Variants in FSHR observed in about 807,000 individuals in gnomAD.
The protein encoded by FSHR is follicle stimulating hormone receptor.
In FSHR, 46 loss-of-function variants were observed where a neutral mutation model predicts 52.1. The observed-to-expected ratio is 0.88, with a 90% CI of 0.70 to 1.13. FSHR has a LOEUF of 1.13. Among genes scored for constraint, FSHR ranks in the 50% most tolerant of loss-of-function variants. The pLI, the probability that FSHR is intolerant of heterozygous loss-of-function variation, is 0.00. For synonymous variants in FSHR, 399 were observed against 309.6 expected, an observed-to-expected ratio of 1.29 and a Z score of -3.03; for missense variants, 964 against 834.6, an observed-to-expected ratio of 1.16 and a Z score of -1.91.
chr2:49,087,074 T>TTTTTG (rs1418429751), intron 1 of FSHR, among the ~76,000 whole-genome samples: 2,116 of 136,534 alleles, frequency 0.015, 80 homozygotes, highest in African/African-American at 0.061. Flanking sequence ...GGCAGGGTTT[T>TTTTTG]TTTTTTTTTT....
At chr2:49,098,528 T>C (rs1053681071) in intron 1 of FSHR, among the ~76,000 whole-genome samples, 3 of 151,638 alleles carry the variant, frequency 2.0e-5, no homozygotes, top group African/African-American at 7.3e-5. Flanking sequence ...CTGTGGGAGG[T>C]GGCAGCCACT....
chr2:49,125,729 G>A (rs1671973413), intron 1 of FSHR, among the ~76,000 whole-genome samples: 2 of 152,168 alleles, frequency 1.3e-5, no homozygotes, highest in South Asian at 2.1e-4. Flanking sequence ...TTGCAGGACT[G>A]TTGTTGTTTG....
At chr2:48,967,933 G>A (rs536991038) in intron 9 of FSHR, among the ~76,000 whole-genome samples, 1 of 152,342 alleles carries the variant, frequency 6.6e-6, no homozygotes, top group South Asian at 2.1e-4. Context: ...ATGTAGGTGA[G>A]CTCAGAGGAG....
chr2:49,036,492 C>T (rs1340422788), intron 2 of FSHR, among the ~76,000 whole-genome samples: 1 of 139,288 alleles, frequency 7.2e-6, no homozygotes, highest in East Asian at 2.2e-4. Context: ...TCTATATTTG[C>T]ATCTGTATAT....
chr2:48,965,343 T>C (rs955155286), intron 9 of FSHR, among the ~76,000 whole-genome samples: 2 of 152,198 alleles, frequency 1.3e-5, no homozygotes, highest in African/African-American at 4.8e-5. Context: ...CAGGAAGTCA[T>C]TTTCTCTTGG....
chr2:49,056,486 A>ATATC (rs1411451473), intron 2 of FSHR, among the ~76,000 whole-genome samples: 1 of 118,976 alleles, frequency 8.4e-6, no homozygotes, highest in Non-Finnish European at 1.8e-5. Context: ...ATATATATAT[A>ATATC]TCCAACACCA....
At chr2:49,129,667 C>G (rs1672195384) in intron 1 of FSHR, among the ~76,000 whole-genome samples, 1 of 152,150 alleles carries the variant, frequency 6.6e-6, no homozygotes, top group Admixed American at 6.5e-5. Context: ...AAGATACTAA[C>G]TGAACATTTT....
chr2:49,089,915 A>T lies in FSHR; in HGVS notation c.153-21625T>A, dbSNP rs149093274. On this transcript the variant is annotated intron_variant, in intron 1 of 9. Transcript: ENST00000406846. ...CGAACTGTGTGTGCAAAGCGTGTAC[A>T]TTCTAGCTAGCAGGGACGCTGACCA... Among the ~76,000 whole-genome samples the T allele has an allele frequency of 1.3e-3, 193 of 152,260 alleles. 2 individuals carry two copies. In the Middle Eastern group the frequency reaches 0.034, roughly 27 times the overall value.
intron 8 of FSHR, among the ~76,000 whole-genome samples, chr2:48,981,270 CCTCT>C (rs1396720152): frequency 3.3e-5 from 5 of 152,174 alleles, no homozygotes; most frequent in Non-Finnish European, 5.9e-5. Flanking sequence ...TTGCCTGACT[CCTCT>C]CTATTCCCAC....
At chr2:49,063,087 T>G (rs528223978) in intron 2 of FSHR, among the ~76,000 whole-genome samples, 1 of 152,232 alleles carries the variant, frequency 6.6e-6, no homozygotes, top group East Asian at 1.9e-4. Context: ...CTAATGGGTA[T>G]GTATTCAAAT....
intron 1 of FSHR, among the ~76,000 whole-genome samples, chr2:49,142,284 AG>A (rs1672715957): frequency 6.6e-6 from 1 of 152,212 alleles, no homozygotes; most frequent in Non-Finnish European, 1.5e-5. Flanking sequence ...GTGGTCAAAA[AG>A]ACCCTTCTAA....
chr2:48,970,184 T>C (rs2104013134), intron 8 of FSHR, among the ~76,000 whole-genome samples: 1 of 152,316 alleles, frequency 6.6e-6, no homozygotes, highest in East Asian at 1.9e-4. Flanking sequence ...ATTGTATAAT[T>C]ATCTTGCTCA....
At position 48,968,845 on chromosome 2, in the gene FSHR, T is replaced by C. The variant is rs748152489; in HGVS notation, c.707A>G (p.Tyr236Cys). Reference protein sequence around the residue: ...SRTRIHSLPSYGLENLKKLRA... With the variant: ...SRTRIHSLPSCGLENLKKLRA... ...CAGCTTCTTAAGATTTTCTAAGCCA[T>C]AGCTAGGCAGGGAATGGATCCTTGT... The change falls in exon 9 of 10, where the codon TAT becomes TGT. Residue 236 changes from tyrosine to cysteine, a missense_variant. Transcript: ENST00000406846. 1.0e-4 allele frequency: 164 copies of C among 1,613,896 alleles called. No individual in the cohort carries two copies. Among genetic ancestry groups the C allele is most frequent in the Non-Finnish European group, 1.3e-4 (153 of 1,179,984 alleles).
intron 2 of FSHR, among the ~76,000 whole-genome samples, chr2:49,034,981 C>G (rs541600612): frequency 5.3e-5 from 8 of 152,312 alleles, no homozygotes; most frequent in Admixed American, 3.9e-4. Context: ...TCTTTTGTGG[C>G]AACAAGCCCT....
intron 2 of FSHR, among the ~76,000 whole-genome samples, chr2:49,066,257 T>G (rs183603934): frequency 6.6e-6 from 1 of 152,074 alleles, no homozygotes; most frequent in South Asian, 2.1e-4. Context: ...TGGTCACATG[T>G]GCAGAATGAA....
At chr2:49,003,779 A>G (rs556942843) in intron 4 of FSHR, among the ~76,000 whole-genome samples, 70 of 81,946 alleles carry the variant, frequency 8.5e-4, no homozygotes, top group African/African-American at 3.1e-3. Context: ...CTGGTCCCCC[A>G]CCCCCACCCC....
chr2:48,982,919 C>G lies in FSHR; in HGVS notation c.661G>C (p.Val221Leu). 6.2e-7 allele frequency: 1 copy of G among 1,613,230 alleles called. No homozygotes were observed. Among genetic ancestry groups the G allele is most frequent in the Non-Finnish European group, 8.5e-7 (1 of 1,179,162 alleles). Reference protein sequence around the residue: ...NDVFHGASGPVILDISRTRIH... With the variant: ...NDVFHGASGPLILDISRTRIH... Reference sequence around the variant, plus strand: ...ATGGGGAAAGCTACTCACAGAATGACTGGTCCAGAGGCTCCGTGGAAAACA... The same window carrying G: ...ATGGGGAAAGCTACTCACAGAATGAGTGGTCCAGAGGCTCCGTGGAAAACA... The change falls in exon 8 of 10, where the codon GTC becomes CTC. Residue 221 changes from valine (V) to leucine (L), a missense_variant. Physicochemically the swap from Val to Leu is conservative, Grantham distance 32. Transcript: ENST00000406846.
intron 1 of FSHR, among the ~76,000 whole-genome samples, chr2:49,069,445 C>T (rs527836983): frequency 6.6e-6 from 1 of 152,230 alleles, no homozygotes; most frequent in Non-Finnish European, 1.5e-5. Flanking sequence ...GGCCCAGACC[C>T]TCTTTCCTGC....
intron 1 of FSHR, among the ~76,000 whole-genome samples, chr2:49,130,382 G>C (rs1036817002): frequency 6.6e-6 from 1 of 152,120 alleles, no homozygotes; most frequent in Admixed American, 6.5e-5. Flanking sequence ...TAGCCAGGAA[G>C]GCCTGGACTC....
Sources: allele counts gnomAD v4.1 joint callset (sites outside exome capture counted in the v4.1 genomes callset), GRCh38; gene constraint gnomAD v4.1.1; transcripts MANE v1.5; gene names NCBI Gene and HGNC (gene_info 2026-07-23, HGNC 2026-07-21).